Variants in SGCD observed in about 807,000 individuals in gnomAD.
SGCD encodes sarcoglycan delta, also known as delta-sarcoglycan.
In SGCD, 18 loss-of-function variants were observed where a neutral mutation model predicts 36.6. The ratio of observed to expected loss-of-function variants is 0.49; its 90% CI spans 0.34 to 0.73. The LOEUF (loss-of-function observed/expected upper bound fraction) is 0.73. Among genes scored for constraint, SGCD ranks in the 30% least tolerant of loss-of-function variants. SGCD has a pLI of 0.01. For synonymous variants in SGCD, 133 were observed against 130.6 expected, an observed-to-expected ratio of 1.02 and a Z score of -0.12; for missense variants, 387 against 346.7, an observed-to-expected ratio of 1.12 and a Z score of -0.92.
chr5:156,341,223 G>A (rs544934474), intron 2 of SGCD, among the ~76,000 whole-genome samples: 1 of 152,282 alleles, frequency 6.6e-6, no homozygotes, highest in East Asian at 1.9e-4. Flanking sequence ...TTTTGTCTTG[G>A]ACAAAATTAG....
intron 3 of SGCD, among the ~76,000 whole-genome samples, chr5:156,477,618 T>G (rs1247244042): frequency 6.6e-6 from 1 of 151,580 alleles, no homozygotes; most frequent in African/African-American, 2.4e-5. Flanking sequence ...TCATGAGCTG[T>G]TGCCTTGATG....
At chr5:156,125,031 T>G (rs529449274) in intron 3 of SGCD, among the ~76,000 whole-genome samples, 10 of 152,310 alleles carry the variant, frequency 6.6e-5, no homozygotes, top group African/African-American at 2.4e-4. Flanking sequence ...TAGAGAGTAG[T>G]AGGATTGCAT....
In SGCD at chr5:156,757,615, G is replaced by A; in HGVS notation, c.610G>A (p.Ala204Thr). 6.2e-7 allele frequency: 1 copy of A among 1,611,546 alleles called. No individual in the cohort carries two copies. The highest frequency in any genetic ancestry group is 8.5e-7 in the Non-Finnish European group (1 of 1,178,794). The change falls in exon 8 of 9, where the codon GCC (alanine) becomes ACC (threonine). Residue 204 changes from alanine (A) to threonine (T), a missense_variant. Transcript: ENST00000337851. ...ESPTRSLVME[A>T]PKGVEINAEA... ...CCCAACCCGGTCTCTAGTGATGGAG[G>A]CCCCAAAAGGAGTGGAAATCAATGC... is the stretch of plus-strand genomic sequence containing the variant.
Position 155,905,737 on chromosome 5 carries a change from T to G in SGCD, c.-282+35313T>G, listed in dbSNP as rs150149708. On this transcript the variant is annotated intron_variant, in intron 1 of 9. Coordinates refer to the SGCD transcript ENST00000517913. Reference sequence around the variant, plus strand: ...TTTCCTGTATTATTCTCGTGATAGTTAATAAGTCTCACGAGATCTGATGGG... The same window carrying G: ...TTTCCTGTATTATTCTCGTGATAGTGAATAAGTCTCACGAGATCTGATGGG... 2.5e-4 allele frequency among the ~76,000 whole-genome samples: 38 copies of G among 152,202 alleles called. No homozygotes were observed. In the East Asian group the frequency reaches 6.8e-3, roughly 27 times the overall value.
chr5:155,860,584 G>A, the SGCD span, among the ~76,000 whole-genome samples: 4 of 152,130 alleles, frequency 2.6e-5, no homozygotes, highest in African/African-American at 9.7e-5. Flanking sequence ...AATGATTAAG[G>A]TACTGAATTT....
At chr5:155,791,401 G>T in the SGCD span, among the ~76,000 whole-genome samples, 1 of 152,118 alleles carries the variant, frequency 6.6e-6, no homozygotes. Flanking sequence ...AGTACTGGAA[G>T]TCCTAGCCTG....
intron 1 of SGCD, among the ~76,000 whole-genome samples, chr5:155,974,033 G>T (rs1758059769): frequency 6.6e-6 from 1 of 152,064 alleles, no homozygotes; most frequent in Non-Finnish European, 1.5e-5. Flanking sequence ...GTTCTCTCTG[G>T]CAGTCAATTC....
chr5:156,440,523 T>A (rs191739221), intron 3 of SGCD, among the ~76,000 whole-genome samples: 41 of 152,298 alleles, frequency 2.7e-4, no homozygotes, highest in South Asian at 1.5e-3. Context: ...GTTTAACTTA[T>A]TGAGGAACTG....
chr5:156,655,821 C>G (rs906938865), intron 7 of SGCD, among the ~76,000 whole-genome samples: 1 of 150,378 alleles, frequency 6.6e-6, no homozygotes, highest in African/African-American at 2.4e-5. Context: ...GTTTTTTTTT[C>G]CCTCCTGAAG....
intron 1 of SGCD, among the ~76,000 whole-genome samples, chr5:156,076,090 A>C (rs559959639): frequency 6.6e-6 from 1 of 152,130 alleles, no homozygotes; most frequent in South Asian, 2.1e-4. Context: ...ACAGAATGAG[A>C]CTGCCTACTA....
intron 1 of SGCD, among the ~76,000 whole-genome samples, chr5:155,944,393 T>C (rs1183360816): frequency 6.6e-6 from 1 of 152,218 alleles, no homozygotes; most frequent in East Asian, 1.9e-4. Flanking sequence ...AGGCATGTGC[T>C]GTGCATTTAT....
chr5:156,286,222 G>A (rs532947775), intron 3 of SGCD, among the ~76,000 whole-genome samples: 6 of 152,318 alleles, frequency 3.9e-5, no homozygotes, highest in African/African-American at 1.2e-4. Flanking sequence ...TTATACTGTT[G>A]ATGGGACTGT....
rs554598774 is a variant in SGCD, at chr5:156,449,229, C to T, written c.193-59372C>T. On this transcript the variant is annotated intron_variant, in intron 3 of 8. Transcript: ENST00000337851. ...AGGTTTTACCATGAACAAGCATCTGCGATCAGGTAAGTTTATTAAATACAA... is the reference window on the plus strand; with the variant it reads ...AGGTTTTACCATGAACAAGCATCTGTGATCAGGTAAGTTTATTAAATACAA... Among the ~76,000 whole-genome samples the T allele has an allele frequency of 1.2e-4, 18 of 152,102 alleles. No individual in the cohort carries two copies. In the South Asian group the frequency reaches 2.3e-3, roughly 19 times the overall value.
intron 7 of SGCD, among the ~76,000 whole-genome samples, chr5:156,715,925 G>A (rs548899951): frequency 6.6e-6 from 1 of 152,208 alleles, no homozygotes; most frequent in Non-Finnish European, 1.5e-5. Flanking sequence ...ATCCTGCGGG[G>A]CCTCACAGGG....
At chr5:155,853,148 A>T in the SGCD span, among the ~76,000 whole-genome samples, 5 of 152,054 alleles carry the variant, frequency 3.3e-5, no homozygotes, top group African/African-American at 1.2e-4. Context: ...GGAGAGAAAC[A>T]TCCATTATAT....
the SGCD span, among the ~76,000 whole-genome samples, chr5:155,765,392 A>T: frequency 8.3e-6 from 1 of 120,144 alleles, no homozygotes; most frequent in Non-Finnish European, 1.6e-5. Context: ...AAAGAGAAGG[A>T]GGGGAAGGAG....
intron 3 of SGCD, among the ~76,000 whole-genome samples, chr5:156,211,184 A>G (rs1006115044): frequency 3.9e-5 from 6 of 152,310 alleles, no homozygotes; most frequent in Middle Eastern, 6.8e-3. Flanking sequence ...AACAAAAAAC[A>G]AAGAATACTT....
the SGCD span, among the ~76,000 whole-genome samples, chr5:155,822,977 A>G: frequency 6.6e-6 from 1 of 152,026 alleles, no homozygotes; most frequent in Non-Finnish European, 1.5e-5. Context: ...GAACCAATAC[A>G]GGATATTTAC....
At chr5:156,459,320 T>C (rs1754386883) in intron 3 of SGCD, among the ~76,000 whole-genome samples, 1 of 152,140 alleles carries the variant, frequency 6.6e-6, no homozygotes, top group African/African-American at 2.4e-5. Flanking sequence ...AAGTGGAGAG[T>C]TAATAGTCTC....
Sources: gnomAD v4.1 joint callset for allele counts (sites outside exome capture counted in the v4.1 genomes callset) on GRCh38, gnomAD v4.1.1 for gene constraint, MANE v1.5 for transcripts, NCBI Gene and HGNC (gene_info 2026-07-23, HGNC 2026-07-21) for gene names.